ZBBX: variants seen among roughly 807,000 people sequenced by gnomAD.
The protein encoded by ZBBX is zinc finger B-box domain containing.
ZBBX carries 101 observed loss-of-function variants against 108.5 expected under a neutral mutation model. That is an observed-to-expected ratio of 0.93 (90% CI 0.79 to 1.10). The LOEUF is 1.10. Ranked by LOEUF, ZBBX falls within the 50% of genes least tolerant of loss-of-function variation. The pLI is 0.00. For synonymous variants in ZBBX, 356 were observed against 323.4 expected, an observed-to-expected ratio of 1.10 and a Z score of -1.08; for missense variants, 1,009 against 941.4, an observed-to-expected ratio of 1.07 and a Z score of -0.94.
At position 167,406,255 on chromosome 3, in the gene ZBBX, T is replaced by G. The variant is rs1272803747; in HGVS notation, c.-446+1471A>C. ...TATAAAGAAGAATGTGATAAACATT[T>G]AAAGGCAATTTGGACAAAAGCCTAC... On this transcript the variant is annotated intron_variant, in intron 1 of 21. Transcript: ENST00000455345. Among the ~76,000 whole-genome samples the G allele has an allele frequency of 3.3e-5, 5 of 152,214 alleles. No individual in the cohort carries two copies. The East Asian group carries it at 9.6e-4, about 29-fold the overall frequency.
At chr3:167,356,110 G>A (rs1743530144) in intron 8 of ZBBX, among the ~76,000 whole-genome samples, 1 of 152,024 alleles carries the variant, frequency 6.6e-6, no homozygotes, top group Non-Finnish European at 1.5e-5. Context: ...TTGACTCATA[G>A]CTCCTGTATA....
chr3:167,275,248 G>A (rs907561058), intron 20 of ZBBX, among the ~76,000 whole-genome samples: 3 of 152,054 alleles, frequency 2.0e-5, no homozygotes, highest in Admixed American at 6.5e-5. Context: ...AAACAGTGAT[G>A]TTTAAAATGA....
chr3:167,320,528 CA>C (rs1736268202), intron 12 of ZBBX, among the ~76,000 whole-genome samples: 1 of 151,962 alleles, frequency 6.6e-6, no homozygotes, highest in Non-Finnish European at 1.5e-5. Flanking sequence ...CTAACTGCTG[CA>C]GGCAAAATTC....
At chr3:167,183,635 A>C in the ZBBX span, among the ~76,000 whole-genome samples, 3 of 152,208 alleles carry the variant, frequency 2.0e-5, no homozygotes, top group Non-Finnish European at 2.9e-5. Flanking sequence ...CTAAAATGGG[A>C]AACTAAGGGA....
At chr3:167,251,880 GCTTT>G in intron 20 of ZBBX, among the ~76,000 whole-genome samples, 1 of 149,924 alleles carries the variant, frequency 6.7e-6, no homozygotes, top group East Asian at 2.0e-4. Flanking sequence ...CAACCAATCT[GCTTT>G]CTGTCTCTTG....
At chr3:167,263,896 T>C (rs1356704861) in intron 20 of ZBBX, among the ~76,000 whole-genome samples, 1 of 152,238 alleles carries the variant, frequency 6.6e-6, no homozygotes, top group African/African-American at 2.4e-5. Context: ...ATCTGGGTAC[T>C]CCAGTGTTGG....
intron 9 of ZBBX, among the ~76,000 whole-genome samples, chr3:167,342,859 C>T (rs958371232): frequency 1.4e-4 from 21 of 150,756 alleles, no homozygotes; most frequent in African/African-American, 4.1e-4. Context: ...GGATGTATTA[C>T]CATTATTCTG....
At chr3:167,299,530 T>A (rs940521640) in intron 17 of ZBBX, among the ~76,000 whole-genome samples, 21 of 152,076 alleles carry the variant, frequency 1.4e-4, no homozygotes, top group Non-Finnish European at 2.6e-4. Flanking sequence ...CCTAAAATAG[T>A]TATGTTTTGT....
chr3:167,325,741 TG>T (rs1355046987), intron 11 of ZBBX, among the ~76,000 whole-genome samples: 8 of 152,178 alleles, frequency 5.3e-5, no homozygotes, highest in Non-Finnish European at 8.8e-5. Flanking sequence ...AGAGTAATGT[TG>T]TATACCTCTA....
intron 10 of ZBBX, among the ~76,000 whole-genome samples, chr3:167,330,642 A>G (rs1738270357): frequency 6.6e-6 from 1 of 151,686 alleles, no homozygotes; most frequent in Non-Finnish European, 1.5e-5. Context: ...TTGTGGTCCC[A>G]GTTACACAGG....
At chr3:167,265,398 G>C (rs1560043162) in intron 20 of ZBBX, among the ~76,000 whole-genome samples, 1 of 152,064 alleles carries the variant, frequency 6.6e-6, no homozygotes, top group Admixed American at 6.5e-5. Flanking sequence ...ACCTGAAATG[G>C]GGGGCTCACA....
intron 19 of ZBBX, among the ~76,000 whole-genome samples, chr3:167,286,214 G>A (rs75284927): frequency 0.05 from 7,655 of 152,166 alleles, 524 homozygotes; most frequent in African/African-American, 0.15. Flanking sequence ...TAAGAAGTGA[G>A]TAAGAGAGTG....
chr3:167,285,482 T>TACA lies in ZBBX; in HGVS notation c.1997-2988_1997-2987insTGT, dbSNP rs1355841544. Reference sequence around the variant, plus strand: ...CATAAAAAGAATTCTTAGAAATGTATTTTCTAAGAATTCTTAAATTTATAT... The same window carrying TACA: ...CATAAAAAGAATTCTTAGAAATGTATACATTTCTAAGAATTCTTAAATTTATAT... On this transcript the variant is annotated intron_variant, in intron 19 of 21. Coordinates refer to ENST00000675490, the MANE Select transcript of ZBBX (RefSeq NM_001199201.2). Among the ~76,000 whole-genome samples the TACA allele has an allele frequency of 3.6e-3, 555 of 152,206 alleles. 2 individuals are homozygous for TACA. Among genetic ancestry groups the TACA allele is most frequent in the Non-Finnish European group, 6.2e-3 (424 of 67,986 alleles).
chr3:167,354,756 T>C (rs537810416), intron 8 of ZBBX, among the ~76,000 whole-genome samples: 92 of 152,050 alleles, frequency 6.1e-4, no homozygotes, highest in African/African-American at 2.1e-3. Flanking sequence ...TTTGGCACTG[T>C]TTTTACACTA....
the ZBBX span, among the ~76,000 whole-genome samples, chr3:167,233,615 C>T: frequency 6.6e-6 from 1 of 151,784 alleles, no homozygotes; most frequent in African/African-American, 2.4e-5. Flanking sequence ...GAGATTTCTA[C>T]ACAATTTTAC....
chr3:167,182,215 T>C, the ZBBX span, among the ~76,000 whole-genome samples: 1 of 152,170 alleles, frequency 6.6e-6, no homozygotes, highest in Non-Finnish European at 1.5e-5. Flanking sequence ...CTTTCAGTCC[T>C]GCTATGGCTT....
At chr3:167,226,469 C>T in the ZBBX span, among the ~76,000 whole-genome samples, 4 of 151,560 alleles carry the variant, frequency 2.6e-5, no homozygotes, top group East Asian at 7.8e-4. Context: ...CCCATATAAC[C>T]CAAGGAAACC....
chr3:167,316,640 T>G (rs1735513819), intron 14 of ZBBX, among the ~76,000 whole-genome samples: 2 of 152,084 alleles, frequency 1.3e-5, no homozygotes, highest in Non-Finnish European at 2.9e-5. Flanking sequence ...TACACTTATA[T>G]TTTAATAGGT....
upstream of ZBBX, among the ~76,000 whole-genome samples, chr3:167,383,627 A>G (rs1421661716): frequency 1.3e-5 from 2 of 152,036 alleles, no homozygotes; most frequent in Non-Finnish European, 2.9e-5. Context: ...ACACAAGGCA[A>G]TTATTACTGA....
Sources: allele counts gnomAD v4.1 joint callset (sites outside exome capture counted in the v4.1 genomes callset), GRCh38; gene constraint gnomAD v4.1.1; transcripts MANE v1.5; gene names NCBI Gene and HGNC (gene_info 2026-07-23, HGNC 2026-07-21).